The following MAGI1 variants were observed in gnomAD, a reference collection of about 807,000 sequenced individuals.
The protein encoded by MAGI1 is membrane associated guanylate kinase, WW and PDZ domain containing 1, also known as membrane-associated guanylate kinase, WW and PDZ domain-containing protein 1.
Under a neutral mutation model 139.9 loss-of-function variants are expected in MAGI1, and 58 were observed. The observed-to-expected ratio is 0.41, with a 90% confidence interval of 0.34 to 0.52. The LOEUF (loss-of-function observed/expected upper bound fraction) is 0.52. Ranked by LOEUF, MAGI1 falls within the 20% of genes least tolerant of loss-of-function variation. The pLI is 0.12. For missense variants in MAGI1, 1,874 were observed against 1,901.6 expected (o/e 0.99, Z 0.27); for synonymous variants, 812 against 737.9 (o/e 1.10, Z -1.63).
intron 1 of MAGI1, among the ~76,000 whole-genome samples, chr3:65,864,182 T>C (rs776308542): frequency 1.1e-4 from 16 of 152,156 alleles, no homozygotes; most frequent in Non-Finnish European, 1.9e-4. Flanking sequence ...TACCCATCTG[T>C]CAACCTAAAT....
At chr3:65,808,971 G>A (rs73135075) in intron 1 of MAGI1, among the ~76,000 whole-genome samples, 34,577 of 152,000 alleles carry the variant, frequency 0.23, 4,250 homozygotes, top group East Asian at 0.4. Context: ...GGAGATTTAC[G>A]CTGGGAAAAT....
intron 1 of MAGI1, among the ~76,000 whole-genome samples, chr3:65,779,183 T>C (rs2038729144): frequency 6.6e-6 from 1 of 152,260 alleles, no homozygotes; most frequent in South Asian, 2.1e-4. Flanking sequence ...CTCATTTTTT[T>C]TCTTCACTAT....
chr3:65,975,158 T>C (rs1472633287), intron 1 of MAGI1, among the ~76,000 whole-genome samples: 1 of 151,178 alleles, frequency 6.6e-6, no homozygotes, highest in East Asian at 1.9e-4. Context: ...AACCCAAAAA[T>C]GATTGAAATG....
At chr3:65,586,005 C>T (rs899626705) in intron 2 of MAGI1, among the ~76,000 whole-genome samples, 8 of 152,048 alleles carry the variant, frequency 5.3e-5, no homozygotes, top group East Asian at 1.9e-4. Flanking sequence ...CCCAGGAGTT[C>T]GAGACCAGCC....
intron 1 of MAGI1, among the ~76,000 whole-genome samples, chr3:65,855,630 GGGGA>G (rs2108416550): frequency 2.6e-5 from 3 of 115,684 alleles, no homozygotes; most frequent in Admixed American, 9.1e-5. Context: ...AGAGAGGGGA[GGGGA>G]AGGGAGAAAC....
At chr3:65,924,335 T>A (rs2108752406) in intron 1 of MAGI1, among the ~76,000 whole-genome samples, 1 of 152,268 alleles carries the variant, frequency 6.6e-6, no homozygotes, top group African/African-American at 2.4e-5. Flanking sequence ...TTAAGAAAGG[T>A]CGGTCTACAG....
At chr3:65,428,029 G>A (rs149486494) in intron 12 of MAGI1, among the ~76,000 whole-genome samples, 3 of 152,232 alleles carry the variant, frequency 2.0e-5, no homozygotes, top group Non-Finnish European at 4.4e-5. Flanking sequence ...AACTGCCTAA[G>A]CCAGGCTCAT....
chr3:65,593,235 G>A (rs1439767528), intron 2 of MAGI1, among the ~76,000 whole-genome samples: 1 of 152,134 alleles, frequency 6.6e-6, no homozygotes, highest in Non-Finnish European at 1.5e-5. Context: ...TCTTTGGCAT[G>A]ACTCCACAAT....
At chr3:65,468,831 G>A (rs1388899184) in intron 5 of MAGI1, among the ~76,000 whole-genome samples, 1 of 151,892 alleles carries the variant, frequency 6.6e-6, no homozygotes, top group Non-Finnish European at 1.5e-5. Flanking sequence ...AGCGCTTTGG[G>A]AGGCTGAGGC....
At chr3:65,381,738 G>T in intron 16 of MAGI1, 139 bp downstream of exon 16, 1 of 778,284 alleles carries the variant, frequency 1.3e-6, no homozygotes, top group Non-Finnish European at 2.0e-6. Flanking sequence ...AGAGAAGCAA[G>T]CCATCTGGAA....
intron 1 of MAGI1, among the ~76,000 whole-genome samples, chr3:66,002,880 G>C (rs1361037928): frequency 1.3e-5 from 2 of 152,102 alleles, no homozygotes; most frequent in Non-Finnish European, 2.9e-5. Context: ...GTATTTTCAG[G>C]TACAACAAGC....
At chr3:65,530,760 TATATATATATATACACAC>T (rs1312493322) in intron 2 of MAGI1, among the ~76,000 whole-genome samples, 6,699 of 20,958 alleles carry the variant, frequency 0.32, 1,321 homozygotes, top group African/African-American at 0.5. Context: ...TATACACGTA[TATATATATATATACACAC>T]ATATATATAC....
At chr3:65,377,579 C>T (rs1942651887) in intron 17 of MAGI1, among the ~76,000 whole-genome samples, 2 of 152,334 alleles carry the variant, frequency 1.3e-5, no homozygotes, top group Admixed American at 6.5e-5. Flanking sequence ...AGGAACGTCA[C>T]AGGATGCATG....
At chr3:65,687,110 A>C (rs1016557418) in intron 1 of MAGI1, among the ~76,000 whole-genome samples, 6 of 152,190 alleles carry the variant, frequency 3.9e-5, no homozygotes, top group African/African-American at 1.4e-4. Flanking sequence ...GAAATGAAGA[A>C]TCTCCAGGCC....
At chr3:65,570,073 CATTATTATTATTATTATTATTATT>C (rs57902043) in intron 2 of MAGI1, among the ~76,000 whole-genome samples, 5 of 136,364 alleles carry the variant, frequency 3.7e-5, no homozygotes, top group South Asian at 4.9e-4. Flanking sequence ...TCTTTATTAT[CATTATTATTATTATTATTATTATT>C]ATTATTATTA....
At chr3:65,896,014 G>C (rs1352508141) in intron 1 of MAGI1, among the ~76,000 whole-genome samples, 1 of 152,116 alleles carries the variant, frequency 6.6e-6, no homozygotes, top group Non-Finnish European at 1.5e-5. Context: ...CACTACCATT[G>C]CATCTCTGTA....
At chr3:65,950,126 GT>G (rs5849703) in intron 1 of MAGI1, among the ~76,000 whole-genome samples, 2 of 102,378 alleles carry the variant, frequency 2.0e-5, no homozygotes, top group Non-Finnish European at 3.7e-5. Context: ...CAATATTACT[GT>G]TTTTTTTTTT....
intron 1 of MAGI1, among the ~76,000 whole-genome samples, chr3:65,814,137 G>A (rs1008469878): frequency 6.6e-6 from 1 of 152,068 alleles, no homozygotes; most frequent in Non-Finnish European, 1.5e-5. Flanking sequence ...CTTCAGAGGA[G>A]ATCGGGTCTT....
chr3:65,917,312 G>T (rs1454279483), intron 1 of MAGI1, among the ~76,000 whole-genome samples: 1 of 152,158 alleles, frequency 6.6e-6, no homozygotes, highest in Non-Finnish European at 1.5e-5. Flanking sequence ...ATGCTGACAA[G>T]GATATGGAGC....
Sources: allele counts gnomAD v4.1 joint callset (sites outside exome capture counted in the v4.1 genomes callset), GRCh38; gene constraint gnomAD v4.1.1; transcripts MANE v1.5; gene names NCBI Gene and HGNC (gene_info 2026-07-23, HGNC 2026-07-21).